ZBTB8OS: variants seen among roughly 807,000 people sequenced by gnomAD.
The protein encoded by ZBTB8OS is tRNA-splicing ligase-activating factor archease.
ZBTB8OS carries 16 observed loss-of-function variants against 29.3 expected under a neutral mutation model. That is an observed-to-expected ratio of 0.55 (90% CI 0.37 to 0.83). The LOEUF (loss-of-function observed/expected upper bound fraction) is 0.83, where lower values mean the gene tolerates loss of function less well. Among genes scored for constraint, ZBTB8OS ranks in the 40% least tolerant of loss-of-function variants. ZBTB8OS has a pLI of 0.00. For missense variants in ZBTB8OS, 160 were observed against 196.9 expected (o/e 0.81, Z 1.12); for synonymous variants, 70 against 64.6 (o/e 1.08, Z -0.40).
intron 1 of ZBTB8OS, among the ~76,000 whole-genome samples, chr1:32,650,125 CA>C (rs1299549453): frequency 6.6e-5 from 10 of 152,158 alleles, no homozygotes; most frequent in Middle Eastern, 3.2e-3. Flanking sequence ...ATGGGGGTAA[CA>C]ACCCTGCAAA....
chr1:32,648,791 T>G (rs1647047010), intron 1 of ZBTB8OS, among the ~76,000 whole-genome samples: 1 of 151,516 alleles, frequency 6.6e-6, no homozygotes, highest in Non-Finnish European at 1.5e-5. Flanking sequence ...CCCAAGCAGC[T>G]GGGATTACAG....
chr1:32,650,829 C>T, upstream of ZBTB8OS: 1 of 513,520 alleles, frequency 1.9e-6, no homozygotes, highest in Non-Finnish European at 3.5e-6. Flanking sequence ...GTTCTTTCCC[C>T]CGCTTCACCC....
At chr1:32,647,707 G>A (rs1297537024) in intron 1 of ZBTB8OS, among the ~76,000 whole-genome samples, 1 of 152,170 alleles carries the variant, frequency 6.6e-6, no homozygotes, top group African/African-American at 2.4e-5. Context: ...TGCTCCTTAT[G>A]AGAATCTAAA....
Position 32,644,541 on chromosome 1 carries a change from T to C in ZBTB8OS, c.97+5892A>G, listed in dbSNP as rs569562477. 7.4e-4 allele frequency among the ~76,000 whole-genome samples: 111 copies of C among 149,264 alleles called. 5 individuals are homozygous for C. The East Asian group carries it at 0.019, about 25-fold the overall frequency. ...AATGTTCTTTTCTTTTTCCTTTTTT[T>C]TTTTTTTTTTTGGAGTCAGGGACTC... On this transcript the variant is annotated intron_variant, in intron 1 of 6. Transcript: ENST00000468695.
intron 1 of ZBTB8OS, among the ~76,000 whole-genome samples, chr1:32,647,779 C>T (rs1646968748): frequency 6.6e-6 from 1 of 152,208 alleles, no homozygotes; most frequent in Admixed American, 6.5e-5. Context: ...GTTCAGGGCT[C>T]CCACTGATTC....
chr1:32,637,229 G>A (rs188972806), intron 1 of ZBTB8OS, among the ~76,000 whole-genome samples: 1 of 151,924 alleles, frequency 6.6e-6, no homozygotes, highest in Non-Finnish European at 1.5e-5. Flanking sequence ...GAGTAACGTC[G>A]AGTTGTATTT....
intron 1 of ZBTB8OS, 164 bp downstream of exon 1, chr1:32,650,269 G>T: frequency 1.1e-6 from 1 of 925,392 alleles, no homozygotes; most frequent in Non-Finnish European, 1.6e-6. Flanking sequence ...TTTTCCTTCA[G>T]CATCCCCAGG....
chr1:32,644,534 CTTTTTT>C (rs57960226), intron 1 of ZBTB8OS, among the ~76,000 whole-genome samples: 2 of 127,034 alleles, frequency 1.6e-5, no homozygotes, highest in South Asian at 2.5e-4. Context: ...TTTCTTTTTC[CTTTTTT>C]TTTTTTTTTT....
intron 1 of ZBTB8OS, among the ~76,000 whole-genome samples, chr1:32,640,930 C>T (rs578065224): frequency 6.6e-6 from 1 of 151,144 alleles, no homozygotes; most frequent in Admixed American, 6.6e-5. Flanking sequence ...TTTGGGAGGC[C>T]GAGGTGGGCC....
chr1:32,645,692 C>A (rs1171683136), intron 1 of ZBTB8OS, among the ~76,000 whole-genome samples: 6 of 152,094 alleles, frequency 3.9e-5, no homozygotes, highest in Middle Eastern at 3.2e-3. Flanking sequence ...ACAATTATAG[C>A]TCCAAAAGAC....
chr1:32,644,009 C>T (rs1367410189), intron 1 of ZBTB8OS, among the ~76,000 whole-genome samples: 3 of 151,754 alleles, frequency 2.0e-5, no homozygotes, highest in South Asian at 2.1e-4. Flanking sequence ...AAAATTCTCT[C>T]GGCCCCAAGG....
At chr1:32,636,684 C>T (rs532352838) in intron 1 of ZBTB8OS, among the ~76,000 whole-genome samples, 12 of 123,608 alleles carry the variant, frequency 9.7e-5, no homozygotes, top group Non-Finnish European at 1.6e-4. Context: ...GAGCAAAACT[C>T]AAAAAATGGA....
intron 4 of ZBTB8OS, among the ~76,000 whole-genome samples, chr1:32,632,999 A>C (rs748657452): frequency 7.2e-5 from 11 of 152,170 alleles, no homozygotes; most frequent in Non-Finnish European, 1.2e-4. Context: ...AGGAATTATA[A>C]AAGCAGAGAG....
intron 4 of ZBTB8OS, chr1:32,633,427 G>A (rs1485596312): frequency 6.3e-6 from 3 of 473,818 alleles, no homozygotes; most frequent in Non-Finnish European, 7.6e-6. Context: ...ATCCTGATTA[G>A]TGACAAATAC....
chr1:32,650,610 G>A (rs1647395892), upstream of ZBTB8OS: 1 of 1,610,372 alleles, frequency 6.2e-7, no homozygotes, highest in Non-Finnish European at 8.5e-7. Flanking sequence ...TCTAGACTCC[G>A]CCCCTTGGCG....
At chr1:32,634,521 C>T (rs1054676281) in intron 2 of ZBTB8OS, 7 of 555,110 alleles carry the variant, frequency 1.3e-5, no homozygotes, top group Middle Eastern at 4.8e-4. Flanking sequence ...CCACCACACC[C>T]GGCCTTATTT....
chr1:32,640,700 G>C (rs1311806594), intron 1 of ZBTB8OS, among the ~76,000 whole-genome samples: 1 of 151,730 alleles, frequency 6.6e-6, no homozygotes, highest in African/African-American at 2.4e-5. Context: ...TAAGAGACAG[G>C]GTTTTGCCAC....
At chr1:32,645,982 T>A (rs914152042) in intron 1 of ZBTB8OS, among the ~76,000 whole-genome samples, 1 of 152,176 alleles carries the variant, frequency 6.6e-6, no homozygotes, top group Non-Finnish European at 1.5e-5. Context: ...GAAAATTCAC[T>A]TATGACACGG....
At chr1:32,639,162 G>A (rs773670913) in intron 1 of ZBTB8OS, among the ~76,000 whole-genome samples, 1 of 151,870 alleles carries the variant, frequency 6.6e-6, no homozygotes, top group Non-Finnish European at 1.5e-5. Flanking sequence ...GCCCGGTGTG[G>A]TAGCATGTGC....
Sources: allele counts gnomAD v4.1 joint callset (sites outside exome capture counted in the v4.1 genomes callset), GRCh38; gene constraint gnomAD v4.1.1; transcripts MANE v1.5; gene names NCBI Gene and HGNC (gene_info 2026-07-23, HGNC 2026-07-21).